The following PBX4 variants were observed in gnomAD, a reference collection of about 807,000 sequenced individuals.
PBX4 encodes the protein PBX homeobox 4.
Under a neutral mutation model 35.1 loss-of-function variants are expected in PBX4, and 26 were observed. The ratio of observed to expected loss-of-function variants is 0.74; its 90% CI spans 0.54 to 1.03. PBX4 has a LOEUF of 1.03. Ranked by LOEUF, PBX4 falls within the 50% of genes least tolerant of loss-of-function variation. The pLI is 0.00. For missense variants in PBX4, 448 were observed against 504.3 expected (o/e 0.89, Z 1.07); for synonymous variants, 199 against 204.2 (o/e 0.97, Z 0.22).
intron 1 of PBX4, among the ~76,000 whole-genome samples, chr19:19,610,492 G>A (rs1044560451): frequency 6.6e-6 from 1 of 152,058 alleles, no homozygotes; most frequent in Non-Finnish European, 1.5e-5. Flanking sequence ...GCTCACACCT[G>A]TAATCTCAGC....
chr19:19,565,664 T>C (rs1022191321), intron 5 of PBX4, among the ~76,000 whole-genome samples: 9 of 152,156 alleles, frequency 5.9e-5, no homozygotes, highest in Non-Finnish European at 1.3e-4. Flanking sequence ...ACGCCTGTAA[T>C]CTCAGCACTT....
chr19:19,562,093 T>G lies in PBX4; in HGVS notation c.1057A>C (p.Thr353Pro), dbSNP rs1600387183. Residue 353 changes from threonine (T) to proline (P), a missense_variant, in exon 8 of 8, where the codon ACC (threonine) becomes CCC (proline). Transcript: ENST00000251203. The surrounding 1 kb of genome is among the most constrained non-coding windows in gnomAD (Gnocchi z 4.8). ...GGTGAGGCAGTTGCAGGTTGGGGGG[T>G]GGCCCCCTGCCAGCTACCCTGGGCC... is the stretch of plus-strand genomic sequence containing the variant. ...SQAQGSWQGA[T>P]PQPATASPAG... 1 of 1,611,414 alleles carries G rather than the reference T, an allele frequency of 6.2e-7. No individual in the cohort carries two copies. The highest frequency in any genetic ancestry group is 8.5e-7 in the Non-Finnish European group (1 of 1,179,038).
rs773836574 is a variant in PBX4, at chr19:19,563,634, G to A, written c.926-19C>T. 3.6e-5 allele frequency: 55 copies of A among 1,543,886 alleles called. No individual in the cohort carries two copies. Among genetic ancestry groups the A allele is most frequent in the Admixed American group, 2.4e-4 (12 of 50,882 alleles). ...GAGGAGCCTGGAAGAGATGGGAGCC[G>A]GGGTGGGCAGAGTCGTGGCGCCTCC... is the stretch of plus-strand genomic sequence containing the variant. On this transcript the variant is annotated intron_variant, in intron 6 of 7. Transcript: ENST00000251203. The surrounding 1 kb of genome is among the most constrained non-coding windows in gnomAD (Gnocchi z 5.1).
chr19:19,617,969 A>G (rs1225126366), intron 1 of PBX4, among the ~76,000 whole-genome samples: 2 of 152,052 alleles, frequency 1.3e-5, no homozygotes, highest in Non-Finnish European at 2.9e-5. Flanking sequence ...AGTTTAAGCA[A>G]CTATAGCGAG....
chr19:19,605,446 TAAC>T (rs963201951), intron 1 of PBX4, among the ~76,000 whole-genome samples: 28 of 100,022 alleles, frequency 2.8e-4, no homozygotes, highest in Non-Finnish European at 6.6e-4. Flanking sequence ...ATAATAATAA[TAAC>T]AATAATAATA....
intron 2 of PBX4, among the ~76,000 whole-genome samples, chr19:19,577,268 G>GC (rs2061425752): frequency 6.6e-6 from 1 of 151,830 alleles, no homozygotes. Flanking sequence ...CATGGGGTAT[G>GC]CATTGTACAG....
chr19:19,612,651 A>G (rs750418027), intron 1 of PBX4, among the ~76,000 whole-genome samples: 2 of 152,100 alleles, frequency 1.3e-5, no homozygotes, highest in Non-Finnish European at 2.9e-5. Flanking sequence ...ACTTGAGTGA[A>G]CTTTAGGGCT....
intron 1 of PBX4, among the ~76,000 whole-genome samples, chr19:19,602,487 C>T (rs532638273): frequency 3.3e-5 from 5 of 151,928 alleles, no homozygotes; most frequent in African/African-American, 1.2e-4. Context: ...GGGTCTTACT[C>T]TGTTGCCCAG....
chr19:19,618,619 G>A lies in PBX4; in HGVS notation c.11C>T (p.Pro4Leu), dbSNP rs568019117. 38 of 1,252,266 alleles carry A rather than the reference G, an allele frequency of 3.0e-5. 1 individual carries two copies. In the South Asian group the frequency reaches 1.3e-3, roughly 42 times the overall value. 77.6% of individuals were successfully genotyped at this position (1,252,266 alleles called of 1,614,324 possible). Residue 4 changes from proline (P) to leucine (L), a missense_variant, in exon 1 of 8, where the codon CCG becomes CTG. Coordinates refer to ENST00000251203, the MANE Select transcript of PBX4 (RefSeq NM_025245.3). MAA[P>L]PRPAPSPPAP... is the part of the protein sequence containing the mutation. ...GGGGGGCGATGGCGCGGGGCGCGGC[G>A]GGGCGGCCATGAGCGGCAGGGCCGG...
rs148789169 is a variant in PBX4, at chr19:19,600,655, C to T, written c.120-1290G>A. Reference sequence around the variant, plus strand: ...CCAACATGGTGAAACCCCGTCTCTACTAAAAGTACAAAAAAGCTGGGCGTG... The same window carrying T: ...CCAACATGGTGAAACCCCGTCTCTATTAAAAGTACAAAAAAGCTGGGCGTG... On this transcript the variant is annotated intron_variant, in intron 1 of 7. Transcript: ENST00000251203. Among the ~76,000 whole-genome samples the T allele has an allele frequency of 6.5e-3, 985 of 151,762 alleles. 9 individuals carry two copies. The highest frequency in any genetic ancestry group is 0.023 in the African/African-American group (942 of 41,378).
Position 19,563,529 on chromosome 19 carries a change from C to A in PBX4, c.1012G>T (p.Gly338Ter). 1.9e-6 allele frequency: 3 copies of A among 1,550,336 alleles called. No homozygotes were observed. The highest frequency in any genetic ancestry group is 2.6e-6 in the Non-Finnish European group (3 of 1,146,816). ...TLASLQPPPGGGCLQSQAQGS... is the reference protein window; with the variant it reads ...TLASLQPPPG ...CTCACCTGGGACTGCAGGCAGCCTC[C>A]CCCAGGAGGAGGCTGGAGAGAGGCC... The change falls in exon 7 of 8, where the codon GGA (glycine) becomes TGA (stop). Residue 338 changes from glycine (G) to a stop codon, truncating the protein, a stop_gained. Transcript: ENST00000251203. LOFTEE classifies it low-confidence loss of function (END_TRUNC). The surrounding 1 kb of genome is among the most constrained non-coding windows in gnomAD (Gnocchi z 5.1).
intron 1 of PBX4, among the ~76,000 whole-genome samples, chr19:19,614,114 C>G (rs920337926): frequency 6.6e-6 from 1 of 152,160 alleles, no homozygotes; most frequent in African/African-American, 2.4e-5. Flanking sequence ...ATCACTTGAG[C>G]TCAGGAGTTC....
At chr19:19,576,170 G>T (rs1445416627) in intron 2 of PBX4, among the ~76,000 whole-genome samples, 1 of 152,170 alleles carries the variant, frequency 6.6e-6, no homozygotes, top group Non-Finnish European at 1.5e-5. Flanking sequence ...TGGTAGGACT[G>T]CTTGACCTCT....
In PBX4 at chr19:19,589,233, C is replaced by A. The variant is rs139984960; in HGVS notation, c.193+10059G>T. 5.3e-4 allele frequency among the ~76,000 whole-genome samples: 81 copies of A among 152,192 alleles called. No individual in the cohort carries two copies. The East Asian group carries it at 0.015, about 29-fold the overall frequency. ...CACGAGGTCAGGAGATCGAGACCAT[C>A]CTGGCTAACACGATGAAACCCCATC... On this transcript the variant is annotated intron_variant, in intron 2 of 7. Coordinates refer to ENST00000251203, the MANE Select transcript of PBX4 (RefSeq NM_025245.3).
chr19:19,569,527 G>A lies in PBX4; in HGVS notation c.690C>T (p.Tyr230=), dbSNP rs371731150. The change falls in exon 5 of 8, where the codon TAC becomes TAT. Residue 230 remains tyrosine (Y), a synonymous_variant. Coordinates refer to ENST00000251203, the MANE Select transcript of PBX4 (RefSeq NM_025245.3). The stretch of plus-strand genomic sequence containing the variant: ...TGGGGTAAGGGTTGTTCAGATGGGA[G>A]TAAAAATACTCATTCAGCACTTCCG... ...QATEVLNEYF[Y]SHLNNPYPSE... The A allele has an allele frequency of 1.2e-5, 20 of 1,613,808 alleles. No individual in the cohort carries two copies. The highest frequency in any genetic ancestry group is 1.4e-5 in the Non-Finnish European group (17 of 1,179,894).
intron 2 of PBX4, among the ~76,000 whole-genome samples, chr19:19,574,516 C>G (rs117295313): frequency 6.6e-6 from 1 of 152,146 alleles, no homozygotes; most frequent in Non-Finnish European, 1.5e-5. Flanking sequence ...CCCTCCTCAC[C>G]GGCTCACTCA....
chr19:19,590,081 T>G lies in PBX4; in HGVS notation c.193+9211A>C, dbSNP rs900589843. Reference sequence around the variant, plus strand: ...CCTTGAGGTAAGCTTTATTGAGATATAATTCACATGCCATATAATTCATCT... The same window carrying G: ...CCTTGAGGTAAGCTTTATTGAGATAGAATTCACATGCCATATAATTCATCT... On this transcript the variant is annotated intron_variant, in intron 2 of 7. Coordinates refer to ENST00000251203, the MANE Select transcript of PBX4 (RefSeq NM_025245.3). Among the ~76,000 whole-genome samples the G allele has an allele frequency of 2.0e-5, 3 of 152,194 alleles. No homozygotes were observed. The East Asian group carries it at 5.8e-4, about 29-fold the overall frequency.
chr19:19,618,309 A>G (rs1185123204), intron 1 of PBX4, among the ~76,000 whole-genome samples: 1 of 152,138 alleles, frequency 6.6e-6, no homozygotes, highest in African/African-American at 2.4e-5. Flanking sequence ...GAGCTGCTGA[A>G]AATCCTTCAC....
At position 19,570,117 on chromosome 19, in the gene PBX4, G is replaced by A. The variant is rs780542097; in HGVS notation, c.624C>T (p.Leu208=). The change falls in exon 4 of 8, where the codon CTC becomes CTT. Residue 208 remains leucine (L), a synonymous_variant. Coordinates refer to ENST00000251203, the MANE Select transcript of PBX4 (RefSeq NM_025245.3). ...TACGTACAGGCCCTGACCTGGCATCGAGCAGCCGCGAACGCAGGGTCATCA... is the reference window on the plus strand; with the variant it reads ...TACGTACAGGCCCTGACCTGGCATCAAGCAGCCGCGAACGCAGGGTCATCA... ...EAVMTLRSRL[L]DARRKRRNFS... 4 of 1,602,374 alleles carry A rather than the reference G, an allele frequency of 2.5e-6. No homozygotes were observed. Among genetic ancestry groups the A allele is most frequent in the Admixed American group, 1.7e-5 (1 of 59,194 alleles).
Sources: gnomAD v4.1 joint callset for allele counts (sites outside exome capture counted in the v4.1 genomes callset) on GRCh38, gnomAD v4.1.1 for gene constraint, Gnocchi (gnomAD v3.1) non-coding constraint, MANE v1.5 for transcripts, NCBI Gene and HGNC (gene_info 2026-07-23, HGNC 2026-07-21) for gene names.